Variants in STK17B observed in about 807,000 individuals in gnomAD.
STK17B encodes the protein serine/threonine kinase 17b.
STK17B carries 21 observed loss-of-function variants against 42.0 expected under a neutral mutation model. The observed-to-expected ratio is 0.50, with a 90% CI of 0.35 to 0.72. The LOEUF (loss-of-function observed/expected upper bound fraction) is 0.72. STK17B is among the 30% of genes least tolerant of loss of function. The probability of loss-of-function intolerance (pLI) is 0.00; values close to 1 mark genes in which losing one functional copy is unlikely to be tolerated. For missense variants in STK17B, 349 were observed against 446.0 expected (o/e 0.78, Z 1.96); for synonymous variants, 143 against 148.4 (o/e 0.96, Z 0.26).
chr2:196,140,757 G>A (rs1699482937), intron 6 of STK17B, among the ~76,000 whole-genome samples: 1 of 151,928 alleles, frequency 6.6e-6, no homozygotes, highest in Non-Finnish European at 1.5e-5. Context: ...TAGAGATAGG[G>A]TTCTGCTATG....
chr2:196,158,480 TG>T (rs1345372533), intron 2 of STK17B, among the ~76,000 whole-genome samples: 1 of 152,204 alleles, frequency 6.6e-6, no homozygotes, highest in Non-Finnish European at 1.5e-5. Context: ...ATTTTCTCAT[TG>T]TATGCAGAAG....
At chr2:196,156,276 A>G in intron 3 of STK17B, 163 bp downstream of exon 3, 1 of 609,284 alleles carries the variant, frequency 1.6e-6, no homozygotes, top group Non-Finnish European at 2.8e-6. Flanking sequence ...CCGAGGCTAT[A>G]CATTTAGTCT....
In STK17B at chr2:196,141,265, T is replaced by A. The variant is rs1395050701; in HGVS notation, c.640A>T (p.Thr214Ser). The change falls in exon 6 of 8, where the codon ACA becomes TCA. Residue 214 changes from threonine (T) to serine (S), a missense_variant. Transcript: ENST00000263955. ...PEILNYDPIT[T>S]ATDMWNIGII... ...ACATCTTACCACATATCTGTTGCTG[T>A]GGTAATGGGATCATAGTTCAGGATT... 1.2e-6 allele frequency: 2 copies of A among 1,607,508 alleles called. No homozygotes were observed. The highest frequency in any genetic ancestry group is 4.5e-5 in the East Asian group (2 of 44,806).
chr2:196,175,772 G>C (rs538022892), upstream of STK17B, among the ~76,000 whole-genome samples: 14 of 152,342 alleles, frequency 9.2e-5, no homozygotes, highest in South Asian at 2.7e-3. Context: ...AAGTTAGGCA[G>C]TGTAGGTCTG....
intron 3 of STK17B, among the ~76,000 whole-genome samples, chr2:196,146,668 C>A (rs948917533): frequency 3.9e-5 from 6 of 152,164 alleles, no homozygotes; most frequent in African/African-American, 9.6e-5. Context: ...GTGCTCTCCT[C>A]ATATATGTAC....
At chr2:196,146,154 A>T in intron 3 of STK17B, 99 bp from the exon 4 acceptor site, 1 of 1,232,322 alleles carries the variant, frequency 8.1e-7, no homozygotes, top group South Asian at 1.8e-5. Flanking sequence ...AACTATATAA[A>T]TGTTAATACG....
chr2:196,137,665 A>G lies in STK17B; in HGVS notation c.901T>C (p.Leu301=). The G allele has an allele frequency of 6.2e-7, 1 of 1,614,120 alleles. No individual in the cohort carries two copies. Among genetic ancestry groups the G allele is most frequent in the South Asian group, 1.1e-5 (1 of 91,084 alleles). Residue 301 remains leucine, a synonymous_variant, in exon 8 of 8, where the codon TTG becomes CTG. Coordinates refer to ENST00000263955, the MANE Select transcript of STK17B (RefSeq NM_004226.4). ...SWLQQWDFEN[L]FHPEETSSSS... ...CTGGAAGTTTCTTCAGGGTGAAACA[A>G]GTTTTCAAAGTCCCACTGCTGTAGC...
intron 1 of STK17B, among the ~76,000 whole-genome samples, chr2:196,170,166 A>C (rs2105718668): frequency 6.6e-6 from 1 of 151,022 alleles, no homozygotes; most frequent in Non-Finnish European, 1.5e-5. Flanking sequence ...AAACAGTGTT[A>C]TCAATGAGAA....
intron 2 of STK17B, among the ~76,000 whole-genome samples, chr2:196,156,903 C>T (rs1401089557): frequency 6.6e-6 from 1 of 152,132 alleles, no homozygotes; most frequent in African/African-American, 2.4e-5. Flanking sequence ...TTCTTCACTA[C>T]TAAAATGATA....
upstream of STK17B, chr2:196,174,455 A>G (rs1419291122): frequency 2.0e-5 from 3 of 152,334 alleles, no homozygotes; most frequent in South Asian, 4.1e-4. Flanking sequence ...AAGGCCTCAA[A>G]CTCAAAACTC....
At chr2:196,161,962 C>T (rs1016294038) in intron 2 of STK17B, among the ~76,000 whole-genome samples, 2 of 152,108 alleles carry the variant, frequency 1.3e-5, no homozygotes, top group Admixed American at 6.5e-5. Context: ...CTTCTCACAT[C>T]GAGATTTTCA....
intron 3 of STK17B, among the ~76,000 whole-genome samples, chr2:196,148,070 G>A (rs1480273932): frequency 6.6e-6 from 1 of 152,066 alleles, no homozygotes; most frequent in African/African-American, 2.4e-5. Flanking sequence ...TCATGATAAA[G>A]ATAATCTGAG....
At chr2:196,146,687 G>A (rs1475684569) in intron 3 of STK17B, among the ~76,000 whole-genome samples, 1 of 151,708 alleles carries the variant, frequency 6.6e-6, no homozygotes, top group African/African-American at 2.4e-5. Context: ...ACATCTATAT[G>A]TATTCATATA....
intron 2 of STK17B, among the ~76,000 whole-genome samples, chr2:196,159,364 G>T (rs1286399046): frequency 6.7e-6 from 1 of 148,462 alleles, no homozygotes; most frequent in Non-Finnish European, 1.5e-5. Context: ...AGGATGGAGT[G>T]CAGTGGCAGG....
rs1009938976 is a variant in STK17B at position 196,134,852 on chromosome 2, A to G, written c.*2595T>C. On this transcript the variant is annotated 3_prime_UTR_variant, in exon 8 of 8. Transcript: ENST00000263955. ...CTAGATTCCTACTTTAGAGAAATAC[A>G]TTATGCTTTTCAATCTTGGGAGAAA... 2.6e-5 allele frequency: 4 copies of G among 152,236 alleles called. No individual in the cohort carries two copies. The highest frequency in any genetic ancestry group is 5.9e-5 in the Non-Finnish European group (4 of 68,036). The allele number at this position is 152,236 out of a possible 1,614,324, so 9.4% of individuals were successfully genotyped here. A position where few individuals can be genotyped will look rare whatever the true frequency, so the allele number is the denominator to read the frequency against.
At chr2:196,148,614 C>G (rs1205862919) in intron 3 of STK17B, among the ~76,000 whole-genome samples, 2 of 151,832 alleles carry the variant, frequency 1.3e-5, no homozygotes, top group Non-Finnish European at 2.9e-5. Context: ...TATTAGAAAA[C>G]AGTATAAAAT....
intron 4 of STK17B, among the ~76,000 whole-genome samples, chr2:196,144,465 C>A (rs553331568): frequency 2.7e-5 from 3 of 111,646 alleles, no homozygotes; most frequent in Non-Finnish European, 5.0e-5. Context: ...TCAGCCTGGG[C>A]GACAGAGCGA....
chr2:196,143,514 C>T, intron 5 of STK17B, 46 bp downstream of exon 5: 1 of 1,520,704 alleles, frequency 6.6e-7, no homozygotes, highest in Non-Finnish European at 8.9e-7. Context: ...GTATCATTTA[C>T]TTAATAAATT....
chr2:196,162,634 A>T (rs1699826644), intron 2 of STK17B, among the ~76,000 whole-genome samples: 2 of 152,100 alleles, frequency 1.3e-5, no homozygotes, highest in South Asian at 4.1e-4. Context: ...GCAGGGGCTC[A>T]CACCAATTAT....
Sources: allele counts gnomAD v4.1 joint callset (sites outside exome capture counted in the v4.1 genomes callset), GRCh38; gene constraint gnomAD v4.1.1; transcripts MANE v1.5; gene names NCBI Gene and HGNC (gene_info 2026-07-23, HGNC 2026-07-21).